Variants in GALK2 observed in about 807,000 individuals in gnomAD.
GALK2 encodes galactokinase 2, also known as N-acetylgalactosamine kinase.
In GALK2, 36 loss-of-function variants were observed where a neutral mutation model predicts 52.4. That is an observed-to-expected ratio of 0.69 (90% CI 0.53 to 0.91). GALK2 has a LOEUF of 0.91. Among genes scored for constraint, GALK2 ranks in the 40% least tolerant of loss-of-function variants. The pLI is 0.00. For synonymous variants in GALK2, 176 were observed against 199.1 expected (o/e 0.88, Z 0.98); for missense variants, 579 against 559.1 (o/e 1.04, Z -0.36).
At chr15:49,314,531 C>A (rs2036249102) in intron 8 of GALK2, among the ~76,000 whole-genome samples, 1 of 152,154 alleles carries the variant, frequency 6.6e-6, no homozygotes, top group Non-Finnish European at 1.5e-5. Context: ...GTTTATTTAG[C>A]CTAGTTTCAG....
intron 1 of GALK2, among the ~76,000 whole-genome samples, chr15:49,189,598 C>T (rs2086586954): frequency 6.6e-6 from 1 of 152,044 alleles, no homozygotes; most frequent in African/African-American, 2.4e-5. Flanking sequence ...ATGCCAACAT[C>T]ACTACTCATA....
rs972219215 is a variant in GALK2, at chr15:49,240,776, G to T, written c.504+1409G>T. ...TGGATAACAGAGCAGGAGATCAGTT[G>T]CTGGGCCTTGTAAACTTTGTTAAGG... On this transcript the variant is annotated intron_variant, in intron 5 of 9. Coordinates refer to ENST00000560031, the MANE Select transcript of GALK2 (RefSeq NM_002044.4). 3.3e-5 allele frequency among the ~76,000 whole-genome samples: 5 copies of T among 152,192 alleles called. No individual in the cohort carries two copies. The East Asian group carries it at 7.7e-4, about 23-fold the overall frequency.
At chr15:49,348,679 G>C (rs2041863848) in intron 3 of GALK2, among the ~76,000 whole-genome samples, 1 of 152,112 alleles carries the variant, frequency 6.6e-6, no homozygotes, top group Non-Finnish European at 1.5e-5. Flanking sequence ...AGTAGGTTGG[G>C]TGAACACAAA....
Position 49,155,867 on chromosome 15 carries a change from A to G in GALK2, c.-130A>G, listed in dbSNP as rs2084431084. Reference sequence around the variant, plus strand: ...GAAGGGCGTCGGAAACTGCGCTCGCATCGAGCAGTTTCCAGCCTCCTGGGT... The same window carrying G: ...GAAGGGCGTCGGAAACTGCGCTCGCGTCGAGCAGTTTCCAGCCTCCTGGGT... On this transcript the variant is annotated 5_prime_UTR_variant, in exon 1 of 10. Coordinates refer to the GALK2 transcript ENST00000327171. 1.2e-5 allele frequency: 12 copies of G among 1,030,944 alleles called. No homozygotes were observed. The South Asian group carries it at 1.6e-4, about 14-fold the overall frequency. 63.9% of individuals were successfully genotyped at this position (1,030,944 alleles called of 1,614,324 possible).
intron 3 of GALK2, chr15:49,366,713 G>A (rs1409201187): frequency 6.3e-6 from 8 of 1,263,030 alleles, no homozygotes; most frequent in Non-Finnish European, 9.1e-6. Flanking sequence ...GTGGGGTGGC[G>A]CGGCGCGGCT....
intron 1 of GALK2, among the ~76,000 whole-genome samples, chr15:49,199,407 G>A (rs1200397884): frequency 1.3e-5 from 2 of 152,018 alleles, no homozygotes; most frequent in African/African-American, 4.8e-5. Flanking sequence ...AAAGATTTAG[G>A]CAGCCGCATC....
At chr15:49,256,365 A>T (rs894319894) in intron 5 of GALK2, among the ~76,000 whole-genome samples, 4 of 152,204 alleles carry the variant, frequency 2.6e-5, no homozygotes, top group Admixed American at 2.6e-4. Context: ...GAGAGCCCTG[A>T]CATGGGCAGA....
At chr15:49,194,483 A>G (rs1595599848) in intron 1 of GALK2, among the ~76,000 whole-genome samples, 1 of 152,160 alleles carries the variant, frequency 6.6e-6, no homozygotes, top group East Asian at 1.9e-4. Flanking sequence ...CGGAGGCCAT[A>G]TAGTATGTTT....
At chr15:49,339,415 C>A (rs1042724434) in intron 3 of GALK2, among the ~76,000 whole-genome samples, 2 of 152,082 alleles carry the variant, frequency 1.3e-5, no homozygotes, top group African/African-American at 4.8e-5. Context: ...GCTGTAGGTC[C>A]GCCCCAGACC....
At chr15:49,269,629 C>T (rs1182437296) in intron 5 of GALK2, among the ~76,000 whole-genome samples, 1 of 151,950 alleles carries the variant, frequency 6.6e-6, no homozygotes, top group Non-Finnish European at 1.5e-5. Context: ...ATAGTTTTTC[C>T]CTAGGAATTG....
At chr15:49,226,326 G>A (rs1412619640) in intron 3 of GALK2, among the ~76,000 whole-genome samples, 2 of 152,148 alleles carry the variant, frequency 1.3e-5, no homozygotes, top group Non-Finnish European at 2.9e-5. Flanking sequence ...TTTCAGGGCT[G>A]AGCATGAGCC....
At chr15:49,300,377 G>C (rs1241211531) in intron 8 of GALK2, among the ~76,000 whole-genome samples, 1 of 151,996 alleles carries the variant, frequency 6.6e-6, no homozygotes, top group Non-Finnish European at 1.5e-5. Context: ...GTTGATTCTT[G>C]CTTCTTTATC....
rs117599480 is a variant in GALK2 at position 49,248,950 on chromosome 15, G to A, written c.504+9583G>A. Among the ~76,000 whole-genome samples the A allele has an allele frequency of 2.4e-3, 364 of 152,280 alleles. 10 individuals carry two copies. In the East Asian group the frequency reaches 0.066, roughly 28 times the overall value. On this transcript the variant is annotated intron_variant, in intron 5 of 9. Coordinates refer to ENST00000560031, the MANE Select transcript of GALK2 (RefSeq NM_002044.4). ...TGCTACAAATTAATATGTATGCCTA[G>A]TTGTGTTTTGAACTTTTGTTGTGAT...
rs542125393 is a variant in GALK2, at chr15:49,284,106, C to T, written c.756+388C>T. 1.1e-3 allele frequency among the ~76,000 whole-genome samples: 172 copies of T among 152,214 alleles called. 5 individuals are homozygous for T. In the South Asian group the frequency reaches 0.028, roughly 24 times the overall value. ...GCAGTTTTTTTATTGGGTTATCATTCGTTACTCCAAAAATACAGGATTGGT... is the reference window on the plus strand; with the variant it reads ...GCAGTTTTTTTATTGGGTTATCATTTGTTACTCCAAAAATACAGGATTGGT... On this transcript the variant is annotated intron_variant, in intron 7 of 9. Coordinates refer to ENST00000560031, the MANE Select transcript of GALK2 (RefSeq NM_002044.4).
downstream of GALK2, chr15:49,331,997 G>T (rs1370173989): frequency 8.1e-6 from 5 of 613,984 alleles, no homozygotes; most frequent in African/African-American, 1.9e-5. Flanking sequence ...TAAAACTTCT[G>T]AAGTAGGTAC....
chr15:49,310,718 A>T (rs2035922608), intron 8 of GALK2, among the ~76,000 whole-genome samples: 1 of 151,764 alleles, frequency 6.6e-6, no homozygotes, highest in Non-Finnish European at 1.5e-5. Context: ...CCCTTTGCCT[A>T]TTTTTTAATT....
chr15:49,196,112 G>C (rs2087208442), intron 1 of GALK2, among the ~76,000 whole-genome samples: 1 of 151,916 alleles, frequency 6.6e-6, no homozygotes, highest in Non-Finnish European at 1.5e-5. Flanking sequence ...CGCAGGCTTT[G>C]AATTTTTAGG....
At chr15:49,211,410 C>T (rs1312153291) in intron 2 of GALK2, among the ~76,000 whole-genome samples, 1 of 152,276 alleles carries the variant, frequency 6.6e-6, no homozygotes, top group East Asian at 1.9e-4. Context: ...CAAACTTTCC[C>T]TCATCGTCCT....
intron 1 of GALK2, among the ~76,000 whole-genome samples, chr15:49,159,940 G>A (rs2084592660): frequency 6.6e-6 from 1 of 152,032 alleles, no homozygotes; most frequent in Non-Finnish European, 1.5e-5. Flanking sequence ...CTAAAAATAA[G>A]AACATTCTCC....
Sources: allele counts gnomAD v4.1 joint callset (sites outside exome capture counted in the v4.1 genomes callset), GRCh38; gene constraint gnomAD v4.1.1; transcripts MANE v1.5; gene names NCBI Gene and HGNC (gene_info 2026-07-23, HGNC 2026-07-21).